The following SUPT7L variants were observed in gnomAD, a reference collection of about 807,000 sequenced individuals.
SUPT7L encodes the protein SPT7 like, STAGA complex subunit gamma, also known as STAGA complex 65 subunit gamma.
A neutral mutation model predicts 35.7 loss-of-function variants in SUPT7L; 15 were observed. The observed-to-expected ratio is 0.42, with a 90% CI of 0.28 to 0.65. The LOEUF (loss-of-function observed/expected upper bound fraction) is 0.65, where lower values mean the gene tolerates loss of function less well. Ranked by LOEUF, SUPT7L falls within the 30% of genes least tolerant of loss-of-function variation. The pLI is 0.23. For synonymous variants in SUPT7L, 168 were observed against 186.2 expected (o/e 0.90, Z 0.79); for missense variants, 434 against 522.2 (o/e 0.83, Z 1.65).
At chr2:27,642,674 C>T in the SUPT7L span, among the ~76,000 whole-genome samples, 1 of 152,244 alleles carries the variant, frequency 6.6e-6, no homozygotes, top group Middle Eastern at 3.4e-3. Flanking sequence ...AGCAGTTCTC[C>T]TGCCTCAGCC....
chr2:27,650,265 T>C (rs1352072581), downstream of SUPT7L: 2 of 884,096 alleles, frequency 2.3e-6, no homozygotes, highest in Admixed American at 1.9e-5. Context: ...GTGAAAGAAC[T>C]GTTCTTACCT....
intron 4 of SUPT7L, 71 bp from the exon 5 acceptor site, chr2:27,655,673 C>T: frequency 7.5e-7 from 1 of 1,336,868 alleles, no homozygotes; most frequent in Non-Finnish European, 1.0e-6. Flanking sequence ...TTGTGACGTC[C>T]CATGGAAAAG....
At chr2:27,648,541 A>G (rs1272186683), downstream of SUPT7L, among the ~76,000 whole-genome samples, 1 of 152,182 alleles carries the variant, frequency 6.6e-6, no homozygotes, top group East Asian at 1.9e-4. Flanking sequence ...CAAATAATAC[A>G]TAAGGTTATA....
chr2:27,650,367 A>G, downstream of SUPT7L: 1 of 502,050 alleles, frequency 2.0e-6, no homozygotes, highest in Non-Finnish European at 3.6e-6. Flanking sequence ...GAAGTCAGGG[A>G]TAGAAGACCC....
downstream of SUPT7L, among the ~76,000 whole-genome samples, chr2:27,647,235 A>AT (rs1291787038): frequency 6.6e-6 from 1 of 152,142 alleles, no homozygotes; most frequent in Non-Finnish European, 1.5e-5. Flanking sequence ...ATGTCCTCCC[A>AT]TGGCAGTAGT....
Position 27,653,657 on chromosome 2 carries a change from C to T in SUPT7L, c.1073G>A (p.Gly358Asp), listed in dbSNP as rs753972326. Reference sequence around the variant, plus strand: ...CTCGAAGACATCACTGCCCAGCACACCATGCCCAGAGACATTGCCTTCTTC... The same window carrying T: ...CTCGAAGACATCACTGCCCAGCACATCATGCCCAGAGACATTGCCTTCTTC... Reference protein sequence around the residue: ...ESEEGNVSGHGVLGSDVFEEP... With the variant: ...ESEEGNVSGHDVLGSDVFEEP... The change falls in exon 6 of 6, where the codon GGT becomes GAT. Residue 358 changes from glycine (G) to aspartate (D), a missense_variant. Physicochemically the swap from Gly to Asp is moderately conservative, Grantham distance 94. Transcript: ENST00000337768. 6.2e-7 allele frequency: 1 copy of T among 1,614,174 alleles called. No individual in the cohort carries two copies. The highest frequency in any genetic ancestry group is 8.5e-7 in the Non-Finnish European group (1 of 1,180,036).
At chr2:27,655,659 C>A in intron 4 of SUPT7L, 57 bp from the exon 5 acceptor site, 1 of 1,432,120 alleles carries the variant, frequency 7.0e-7, no homozygotes, top group Non-Finnish European at 9.5e-7. Flanking sequence ...GTTGGATAGT[C>A]AGCTTGTGAC....
Position 27,661,183 on chromosome 2 carries a change from G to A in SUPT7L, c.220C>T (p.Arg74Ter), listed in dbSNP as rs773381394. Reference protein sequence around the residue: ...IHTIQLIQHNRRLRNLIATAQ... With the variant: ...IHTIQLIQHN ...GTGGCAATAAGGTTGCGAAGACGTC[G>A]GTTGTGCTGAATCAACTGAATCGTA... Residue 74 changes from arginine (R) to a stop codon, truncating the protein, a stop_gained, in exon 3 of 6, where the codon CGA becomes TGA. Transcript: ENST00000337768. LOFTEE classifies it high-confidence loss of function. 2.5e-6 allele frequency: 4 copies of A among 1,614,004 alleles called. No homozygotes were observed. Among genetic ancestry groups the A allele is most frequent in the African/African-American group, 2.7e-5 (2 of 74,888 alleles).
At chr2:27,642,994 C>CACACACACACACACACACAT in the SUPT7L span, among the ~76,000 whole-genome samples, 1 of 149,658 alleles carries the variant, frequency 6.7e-6, no homozygotes, top group Admixed American at 6.6e-5. Flanking sequence ...CACACACACA[C>CACACACACACACACACACAT]ATACATATGC....
chr2:27,642,766 T>C, the SUPT7L span, among the ~76,000 whole-genome samples: 1 of 151,922 alleles, frequency 6.6e-6, no homozygotes, highest in Admixed American at 6.6e-5. Flanking sequence ...GTTTTTTCCA[T>C]GTTGGTCAGG....
intron 3 of SUPT7L, among the ~76,000 whole-genome samples, chr2:27,659,863 G>A (rs768873720): frequency 6.6e-6 from 1 of 152,170 alleles, no homozygotes; most frequent in Non-Finnish European, 1.5e-5. Context: ...GTGGCAAAAT[G>A]TTAAACATTA....
Position 27,661,074 on chromosome 2 carries a change from G to A in SUPT7L, c.329C>T (p.Pro110Leu). Residue 110 changes from proline to leucine, a missense_variant, in exon 3 of 6, where the codon CCT (proline) becomes CTT (leucine). This residue lies in a region of SUPT7L where 198 missense variants were observed against 190.8 expected (regional missense o/e 1.04). Coordinates refer to ENST00000337768, the MANE Select transcript of SUPT7L (RefSeq NM_014860.3). Reference sequence around the variant, plus strand: ...TAAAGGCAGGAGGTCATCAGGGAGAGGAGGTGACCCAGGGCACGAGGGAAG... The same window carrying A: ...TAAAGGCAGGAGGTCATCAGGGAGAAGAGGTGACCCAGGGCACGAGGGAAG... ...EPLPSCPGSP[P>L]LPDDLLPLDC... is the part of the protein sequence containing the mutation. 6.2e-7 allele frequency: 1 copy of A among 1,614,156 alleles called. No individual in the cohort carries two copies. The highest frequency in any genetic ancestry group is 1.3e-5 in the African/African-American group (1 of 74,998).
chr2:27,647,730 A>T, downstream of SUPT7L: 1 of 674,152 alleles, frequency 1.5e-6, no homozygotes, highest in Non-Finnish European at 2.7e-6. Flanking sequence ...CTGCGTTTAT[A>T]TGTATCATGA....
the SUPT7L span, among the ~76,000 whole-genome samples, chr2:27,645,331 C>T: frequency 6.6e-6 from 1 of 152,000 alleles, no homozygotes; most frequent in Non-Finnish European, 1.5e-5. Flanking sequence ...TATGCCTGTA[C>T]CATGTTGTTT....
At position 27,663,501 on chromosome 2, in the gene SUPT7L, AC is replaced by A. The variant is rs1003655329; in HGVS notation, c.-263del. The A allele has an allele frequency of 2.2e-6, 1 of 464,462 alleles. No individual in the cohort carries two copies. Among genetic ancestry groups the A allele is most frequent in the African/African-American group, 2.0e-5 (1 of 50,606 alleles). 28.8% of individuals were successfully genotyped at this position (464,462 alleles called of 1,614,324 possible). On this transcript the variant is annotated 5_prime_UTR_variant, in exon 1 of 6. Coordinates refer to ENST00000337768, the MANE Select transcript of SUPT7L (RefSeq NM_014860.3). ...TGGACCTGAACCGAGACAAGGAGGT[AC>A]CACACTATTCACTGCTGCGTCGCAG...
At chr2:27,650,275 T>A (rs1409844607), downstream of SUPT7L, 3 of 804,048 alleles carry the variant, frequency 3.7e-6, no homozygotes, top group Non-Finnish European at 6.3e-6. Flanking sequence ...TGTTCTTACC[T>A]CTGAACTGGG....
At chr2:27,649,268 C>A (rs12621136), downstream of SUPT7L, among the ~76,000 whole-genome samples, 134,810 of 150,384 alleles carry the variant, frequency 0.9, 61,715 homozygotes, top group South Asian at 0.99. Context: ...AACAAACAAA[C>A]AAAAAAACAC....
Position 27,663,519 on chromosome 2 carries a change from G to A in SUPT7L, c.-280C>T, listed in dbSNP as rs542490320. The A allele has an allele frequency of 1.2e-5, 6 of 518,948 alleles. No homozygotes were observed. The highest frequency in any genetic ancestry group is 1.2e-4 in the African/African-American group (6 of 52,014). The allele number at this position is 518,948 out of a possible 1,614,324, so 32.1% of individuals were successfully genotyped here. On this transcript the variant is annotated 5_prime_UTR_variant, in exon 1 of 6. Transcript: ENST00000337768. Reference sequence around the variant, plus strand: ...AGGAGGTACCACACTATTCACTGCTGCGTCGCAGAGCGGGCTGGGCGGCTG... The same window carrying A: ...AGGAGGTACCACACTATTCACTGCTACGTCGCAGAGCGGGCTGGGCGGCTG...
the SUPT7L span, among the ~76,000 whole-genome samples, chr2:27,643,840 T>C: frequency 6.6e-6 from 1 of 152,218 alleles, no homozygotes; most frequent in African/African-American, 2.4e-5. The surrounding 1 kb of genome is among the most constrained non-coding windows in gnomAD (Gnocchi z 4.0). Flanking sequence ...ATGTTAACTT[T>C]GAGTATTTTT....
Sources: gnomAD v4.1 joint callset for allele counts (sites outside exome capture counted in the v4.1 genomes callset) on GRCh38, gnomAD v4.1.1 for gene constraint, gnomAD v4.1.1 regional missense constraint, Gnocchi (gnomAD v3.1) non-coding constraint, MANE v1.5 for transcripts, NCBI Gene and HGNC (gene_info 2026-07-23, HGNC 2026-07-21) for gene names.